Variants in SNX27 observed in about 807,000 individuals in gnomAD.
SNX27 encodes sorting nexin 27.
In SNX27, 22 loss-of-function variants were observed where a neutral mutation model predicts 71.6. That is an observed-to-expected ratio of 0.31 (90% CI 0.22 to 0.44). The LOEUF is 0.44. SNX27 is among the 20% of genes least tolerant of loss of function. The pLI is 1.00. For synonymous variants in SNX27, 269 were observed against 277.2 expected (o/e 0.97, Z 0.29); for missense variants, 531 against 698.6 (o/e 0.76, Z 2.70).
chr1:151,689,564 G>C (rs1006528771), intron 8 of SNX27, among the ~76,000 whole-genome samples: 1 of 152,212 alleles, frequency 6.6e-6, no homozygotes, highest in African/African-American at 2.4e-5. Flanking sequence ...GATTGTGGCA[G>C]AAATATTTGT....
chr1:151,613,583 G>A (rs1667293499), intron 1 of SNX27, among the ~76,000 whole-genome samples: 1 of 151,634 alleles, frequency 6.6e-6, no homozygotes, highest in East Asian at 1.9e-4. Flanking sequence ...TTTTTAAGGC[G>A]CCTTCTGCTG....
intron 7 of SNX27, chr1:151,669,208 C>T (rs1670349481): frequency 6.6e-6 from 1 of 152,356 alleles, no homozygotes; most frequent in Non-Finnish European, 1.5e-5. Flanking sequence ...CTTCTCCATT[C>T]CTACCATATA....
At chr1:151,685,065 T>C (rs1671131995) in intron 8 of SNX27, among the ~76,000 whole-genome samples, 1 of 152,022 alleles carries the variant, frequency 6.6e-6, no homozygotes, top group Non-Finnish European at 1.5e-5. Flanking sequence ...TGCCTCAGCC[T>C]CCCAAAGTGC....
At chr1:151,687,088 A>G (rs1201676309) in intron 8 of SNX27, among the ~76,000 whole-genome samples, 1 of 152,218 alleles carries the variant, frequency 6.6e-6, no homozygotes, top group African/African-American at 2.4e-5. Context: ...GGTTGAGAAT[A>G]TAATATACAA....
In SNX27 at chr1:151,694,567, C is replaced by T. The variant is rs886373734; in HGVS notation, c.*150C>T. 4.2e-6 allele frequency: 3 copies of T among 720,044 alleles called. No individual in the cohort carries two copies. Among genetic ancestry groups the T allele is most frequent in the Admixed American group, 7.2e-5 (2 of 27,888 alleles). The allele number at this position is 720,044 out of a possible 1,614,324, so 44.6% of individuals were successfully genotyped here. ...CTAAACTAAATATTATTAATAACCCCCTCTGAATTTCATGTCTCTGGAATT... is the reference window on the plus strand; with the variant it reads ...CTAAACTAAATATTATTAATAACCCTCTCTGAATTTCATGTCTCTGGAATT... On this transcript the variant is annotated 3_prime_UTR_variant, in exon 12 of 12. Transcript: ENST00000458013.
chr1:151,632,163 T>G lies in SNX27; in HGVS notation c.312-6725T>G, dbSNP rs566690368. 2.0e-3 allele frequency among the ~76,000 whole-genome samples: 290 copies of G among 143,816 alleles called. 2 individuals carry two copies. The highest frequency in any genetic ancestry group is 6.9e-3 in the African/African-American group (271 of 39,278). 94.3% of individuals were successfully genotyped at this position (143,816 alleles called of 152,430 possible). A position where few individuals can be genotyped will look rare whatever the true frequency, so the allele number is the denominator to read the frequency against. ...ACTTTATAATTTGTTGCGGAGGTTG[T>G]TTTTTTTTTTTGAGATGGAGTTTTG... On this transcript the variant is annotated intron_variant, in intron 1 of 11. Coordinates refer to ENST00000458013, the MANE Select transcript of SNX27 (RefSeq NM_001330723.2).
At chr1:151,629,802 C>T (rs1170309428) in intron 1 of SNX27, among the ~76,000 whole-genome samples, 1 of 151,804 alleles carries the variant, frequency 6.6e-6, no homozygotes, top group Non-Finnish European at 1.5e-5. Context: ...TGGCCTTAAA[C>T]TCCTGACCTC....
chr1:151,615,898 C>T (rs998877331), intron 1 of SNX27: 8 of 814,994 alleles, frequency 9.8e-6, no homozygotes, highest in Non-Finnish European at 1.0e-5. Flanking sequence ...TTAAAGTCGG[C>T]TTACCAAGGC....
intron 2 of SNX27, among the ~76,000 whole-genome samples, chr1:151,641,598 G>GATAGATAT (rs1419159225): frequency 3.8e-5 from 3 of 78,992 alleles, no homozygotes; most frequent in Non-Finnish European, 7.5e-5. Flanking sequence ...TCCTTTATCA[G>GATAGATAT]ATATATATAT....
chr1:151,698,332 G>T lies in SNX27; in HGVS notation c.*3915G>T. The T allele has an allele frequency of 6.5e-6, 1 of 152,748 alleles. No homozygotes were observed. 9.5% of individuals were successfully genotyped at this position (152,748 alleles called of 1,614,324 possible). A position where few individuals can be genotyped will look rare whatever the true frequency, so the allele number is the denominator to read the frequency against. On this transcript the variant is annotated 3_prime_UTR_variant, in exon 12 of 12. Coordinates refer to ENST00000458013, the MANE Select transcript of SNX27 (RefSeq NM_001330723.2). ...GCTCCTAGGAGGTAGTTTTCTTGAA[G>T]GGGACTGCATCCTAGTTGACCTGAA...
At position 151,692,435 on chromosome 1, in the gene SNX27, TA is replaced by T; in HGVS notation, c.1241del (p.Tyr414SerfsTer5). The T allele has an allele frequency of 1.3e-6, 1 of 799,398 alleles. No individual in the cohort carries two copies. The highest frequency in any genetic ancestry group is 2.9e-5 in the Admixed American group (1 of 34,196). 49.5% of individuals were successfully genotyped at this position (799,398 alleles called of 1,614,324 possible). On this transcript the variant is annotated frameshift_variant and splice_region_variant, in exon 9 of 12. Coordinates refer to ENST00000458013, the MANE Select transcript of SNX27 (RefSeq NM_001330723.2). LOFTEE classifies it high-confidence loss of function. ...KLYEQRKMVM[Y>X]LNMLRTCEGY... ...TTTTTTTTTTTTTTTTTTTTTTTAG[TA>T]CCTCAACATGCTAAGGACTTGTGAG...
chr1:151,693,377 A>G (rs769986509), intron 10 of SNX27, 47 bp from the exon 11 acceptor site: 3 of 1,573,734 alleles, frequency 1.9e-6, no homozygotes, highest in Non-Finnish European at 2.6e-6. Flanking sequence ...CAGTCCTGAG[A>G]TGCCTGCTCT....
At chr1:151,660,524 C>T (rs1036658559) in intron 3 of SNX27, 5 of 330,358 alleles carry the variant, frequency 1.5e-5, no homozygotes, top group South Asian at 8.4e-5. Context: ...GTTATATTTA[C>T]GGAACTTTTA....
chr1:151,642,982 A>T (rs955382269), intron 2 of SNX27, among the ~76,000 whole-genome samples: 1 of 144,354 alleles, frequency 6.9e-6, no homozygotes, highest in African/African-American at 2.6e-5. Flanking sequence ...TTATTTTTTG[A>T]GACGGAATTT....
rs758820362 is a variant in SNX27 at position 151,695,982 on chromosome 1, A to T, written c.*1565A>T. 1 of 152,364 alleles carries T rather than the reference A, an allele frequency of 6.6e-6. No individual in the cohort carries two copies. Among genetic ancestry groups the T allele is most frequent in the Non-Finnish European group, 1.5e-5 (1 of 68,176 alleles). The allele number at this position is 152,364 out of a possible 1,614,324, so 9.4% of individuals were successfully genotyped here. ...TGCAGTGGGTCAGTGGTCTGTGCCA[A>T]CCAAACGATAGCCCCATCCAAGCCA... On this transcript the variant is annotated 3_prime_UTR_variant, in exon 12 of 12. Transcript: ENST00000458013.
At chr1:151,615,695 T>A in intron 1 of SNX27, 1 of 983,728 alleles carries the variant, frequency 1.0e-6, no homozygotes, top group South Asian at 4.7e-5. Flanking sequence ...TGTATGGACC[T>A]TGATAATTGC....
chr1:151,663,175 G>A (rs1670039074), intron 5 of SNX27, among the ~76,000 whole-genome samples: 1 of 150,332 alleles, frequency 6.7e-6, no homozygotes. Flanking sequence ...TTTTGAGACG[G>A]AGTCTTGCTC....
chr1:151,658,498 T>TA, intron 3 of SNX27, 71 bp downstream of exon 3: 1 of 1,423,134 alleles, frequency 7.0e-7, no homozygotes, highest in Non-Finnish European at 9.6e-7. Context: ...CTAAACTGCA[T>TA]AGCTGAATTT....
At chr1:151,652,566 G>A (rs1426459990) in intron 2 of SNX27, among the ~76,000 whole-genome samples, 2 of 151,518 alleles carry the variant, frequency 1.3e-5, no homozygotes, top group Admixed American at 6.6e-5. Context: ...CCGCTACCAC[G>A]CCTGGCTAAT....
Sources: gnomAD v4.1 joint callset for allele counts (sites outside exome capture counted in the v4.1 genomes callset) on GRCh38, gnomAD v4.1.1 for gene constraint, MANE v1.5 for transcripts, NCBI Gene and HGNC (gene_info 2026-07-23, HGNC 2026-07-21) for gene names.